The following DACH1 variants were observed in gnomAD, a reference collection of about 807,000 sequenced individuals.
DACH1 encodes dachshund family transcription factor 1.
In DACH1, 12 loss-of-function variants were observed where a neutral mutation model predicts 54.2. The ratio of observed to expected loss-of-function variants is 0.22; its 90% CI spans 0.14 to 0.36. The LOEUF is 0.36. Ranked by LOEUF, DACH1 falls within the 10% of genes least tolerant of loss-of-function variation. The pLI, the probability that DACH1 is intolerant of heterozygous loss-of-function variation, is 1.00. For synonymous variants in DACH1, 386 were observed against 366.2 expected, an observed-to-expected ratio of 1.05 and a Z score of -0.62; for missense variants, 805 against 929.8, an observed-to-expected ratio of 0.87 and a Z score of 1.75.
intron 3 of DACH1, among the ~76,000 whole-genome samples, chr13:71,625,381 CT>C (rs1253929668): frequency 6.6e-6 from 1 of 151,926 alleles, no homozygotes; most frequent in Non-Finnish European, 1.5e-5. Context: ...TAAAATTAAT[CT>C]TTTCCTTCCA....
chr13:71,734,092 ATGTG>A (rs918421907), intron 1 of DACH1, among the ~76,000 whole-genome samples: 6 of 146,908 alleles, frequency 4.1e-5, no homozygotes, highest in Non-Finnish European at 7.4e-5. Context: ...TTGAATATAT[ATGTG>A]TGTGTGTATA....
In DACH1 at chr13:71,835,985, C is replaced by T. The variant is rs930595790; in HGVS notation, c.848+29937G>A. Among the ~76,000 whole-genome samples, 45 of 151,808 alleles carry T rather than the reference C, an allele frequency of 3.0e-4. 1 individual carries two copies. The highest frequency in any genetic ancestry group is 3.3e-4 in the Admixed American group (5 of 15,204). On this transcript the variant is annotated intron_variant, in intron 1 of 10. Transcript: ENST00000613252. ...ATGGTAATCACTGCAGGCTATTTAC[C>T]AACTTGAAAAAATAAAATAGTTCAC... is the stretch of plus-strand genomic sequence containing the variant.
chr13:71,643,795 G>T lies in DACH1; in HGVS notation c.965-13078C>A, dbSNP rs1878079957. Among the ~76,000 whole-genome samples the T allele has an allele frequency of 2.0e-5, 3 of 152,134 alleles. No individual in the cohort carries two copies. The South Asian group carries it at 6.2e-4, about 32-fold the overall frequency. On this transcript the variant is annotated intron_variant, in intron 2 of 10. Transcript: ENST00000613252. ...GAAAAAAATATTAAATTACAGCCATGTGTGACTTTTAAAGCAGTCATTCTT... is the reference window on the plus strand; with the variant it reads ...GAAAAAAATATTAAATTACAGCCATTTGTGACTTTTAAAGCAGTCATTCTT...
At chr13:71,664,360 C>T (rs1055737921) in intron 2 of DACH1, among the ~76,000 whole-genome samples, 2 of 151,946 alleles carry the variant, frequency 1.3e-5, no homozygotes, top group Non-Finnish European at 2.9e-5. Context: ...ATTTAAGAAA[C>T]AACCTGTTCT....
At chr13:71,778,092 C>CAATAAACA (rs1886140319) in intron 1 of DACH1, among the ~76,000 whole-genome samples, 2 of 138,910 alleles carry the variant, frequency 1.4e-5, no homozygotes, top group African/African-American at 5.3e-5. Context: ...ACCCTGTCTA[C>CAATAAACA]AATAAATAAA....
At chr13:71,794,945 T>A (rs1038361875) in intron 1 of DACH1, among the ~76,000 whole-genome samples, 4 of 152,160 alleles carry the variant, frequency 2.6e-5, no homozygotes, top group African/African-American at 9.7e-5. Flanking sequence ...TAAACCTTGC[T>A]AACAAATAAT....
chr13:71,792,467 C>T (rs1377056852), intron 1 of DACH1, among the ~76,000 whole-genome samples: 4 of 152,068 alleles, frequency 2.6e-5, no homozygotes, highest in Non-Finnish European at 5.9e-5. Context: ...TCCTATTTTC[C>T]TCAAAGTCAA....
At chr13:71,763,024 G>T (rs780144523) in intron 1 of DACH1, among the ~76,000 whole-genome samples, 6 of 152,106 alleles carry the variant, frequency 3.9e-5, no homozygotes, top group Non-Finnish European at 7.4e-5. Context: ...AATCCCCCAT[G>T]TATGTTGCTT....
chr13:71,746,318 A>G (rs1162287207), intron 1 of DACH1, among the ~76,000 whole-genome samples: 1 of 152,210 alleles, frequency 6.6e-6, no homozygotes, highest in Non-Finnish European at 1.5e-5. Flanking sequence ...ATGGAAGAAA[A>G]TGTTGAAATT....
intron 1 of DACH1, among the ~76,000 whole-genome samples, chr13:71,696,937 A>G (rs1325203557): frequency 1.3e-5 from 2 of 152,168 alleles, no homozygotes; most frequent in African/African-American, 4.8e-5. Context: ...AAAGAATTGA[A>G]TGTTCCTGTC....
At chr13:71,847,810 A>G (rs138046888) in intron 1 of DACH1, among the ~76,000 whole-genome samples, 169 of 152,322 alleles carry the variant, frequency 1.1e-3, no homozygotes, top group Non-Finnish European at 3.5e-4. Context: ...CACTGCAATC[A>G]ATCTACTGAC....
intron 10 of DACH1, among the ~76,000 whole-genome samples, chr13:71,467,951 C>G (rs575578594): frequency 6.6e-6 from 1 of 152,068 alleles, no homozygotes; most frequent in Non-Finnish European, 1.5e-5. Flanking sequence ...CAGGCAGCCC[C>G]GAAAACAGTT....
chr13:71,792,576 T>C (rs1886876732), intron 1 of DACH1, among the ~76,000 whole-genome samples: 1 of 152,150 alleles, frequency 6.6e-6, no homozygotes, highest in South Asian at 2.1e-4. Context: ...CTTGTAAAAA[T>C]TTAAAATTGA....
intron 9 of DACH1, 136 bp downstream of exon 9, chr13:71,475,570 C>T: frequency 9.2e-7 from 1 of 1,086,966 alleles, no homozygotes; most frequent in Non-Finnish European, 1.3e-6. Flanking sequence ...ACGTTCTTCC[C>T]ACCCTGCTTT....
intron 10 of DACH1, among the ~76,000 whole-genome samples, chr13:71,441,038 C>G (rs1873966074): frequency 6.6e-6 from 1 of 151,970 alleles, no homozygotes; most frequent in South Asian, 2.1e-4. Context: ...TTCAAGCTTG[C>G]AGAACCAAAT....
chr13:71,505,516 A>C lies in DACH1; in HGVS notation c.1571-16368T>G, dbSNP rs530964297. 2.6e-4 allele frequency among the ~76,000 whole-genome samples: 40 copies of C among 152,242 alleles called. 1 individual carries two copies. The East Asian group carries it at 4.1e-3, about 15-fold the overall frequency. On this transcript the variant is annotated intron_variant, in intron 6 of 10. Transcript: ENST00000613252. ...TGTGTGTGTGTGTGTTTGTGTGTGT[A>C]TACCTAAATGATTGCACACCACACA...
chr13:71,846,329 G>GTAAA (rs1172316531), intron 1 of DACH1: 1 of 173,634 alleles, frequency 5.8e-6, no homozygotes, highest in Non-Finnish European at 1.3e-5. Flanking sequence ...CTAACGAAAA[G>GTAAA]TAAATAAATA....
chr13:71,713,588 A>G (rs904578108), intron 1 of DACH1, among the ~76,000 whole-genome samples: 1 of 152,144 alleles, frequency 6.6e-6, no homozygotes, highest in Non-Finnish European at 1.5e-5. Flanking sequence ...ATCTGTCTTA[A>G]AAGGTAACAC....
chr13:71,861,754 A>C (rs1874368825), intron 1 of DACH1, among the ~76,000 whole-genome samples: 1 of 151,888 alleles, frequency 6.6e-6, no homozygotes, highest in African/African-American at 2.4e-5. Context: ...TCTCTGTGCC[A>C]AGTATTGTAA....
Sources: gnomAD v4.1 joint callset for allele counts (sites outside exome capture counted in the v4.1 genomes callset) on GRCh38, gnomAD v4.1.1 for gene constraint, MANE v1.5 for transcripts, NCBI Gene and HGNC (gene_info 2026-07-23, HGNC 2026-07-21) for gene names.